Variants in CACNA1C observed in about 807,000 individuals in gnomAD.
The protein encoded by CACNA1C is calcium voltage-gated channel subunit alpha1 C.
CACNA1C carries 30 observed loss-of-function variants against 229.0 expected under a neutral mutation model. The observed-to-expected ratio is 0.13, with a 90% CI of 0.10 to 0.18. The LOEUF (loss-of-function observed/expected upper bound fraction) is 0.18, where lower values mean the gene tolerates loss of function less well. CACNA1C is among the 10% of genes least tolerant of loss of function. The pLI is 1.00. For missense variants in CACNA1C, 1,658 were observed against 2,845.0 expected, an observed-to-expected ratio of 0.58 and a Z score of 9.49; for synonymous variants, 1,114 against 1,132.5, an observed-to-expected ratio of 0.98 and a Z score of 0.33.
At chr12:2,388,353 G>A (rs566132719) in intron 3 of CACNA1C, among the ~76,000 whole-genome samples, 15 of 152,228 alleles carry the variant, frequency 9.9e-5, no homozygotes, top group African/African-American at 3.6e-4. Flanking sequence ...TGAGGTGATG[G>A]ATTAGTTGAT....
intron 42 of CACNA1C, among the ~76,000 whole-genome samples, chr12:2,681,798 T>C (rs2097159335): frequency 6.6e-6 from 1 of 152,162 alleles, no homozygotes; most frequent in African/African-American, 2.4e-5. Flanking sequence ...CCAGGATCTT[T>C]CTCTGATGCC....
intron 5 of CACNA1C, among the ~76,000 whole-genome samples, chr12:2,483,461 G>A (rs1050895218): frequency 1.3e-5 from 2 of 152,222 alleles, no homozygotes; most frequent in Non-Finnish European, 2.9e-5. Flanking sequence ...GGATGGAAAA[G>A]CTAACAGTGG....
intron 1 of CACNA1C, chr12:1,998,006 T>C (rs1193449911): frequency 6.3e-7 from 1 of 1,585,672 alleles, no homozygotes; most frequent in Non-Finnish European, 8.6e-7. Context: ...ACACAAGACA[T>C]GTATGTTCTC....
At chr12:2,521,667 T>C (rs1287148776) in intron 9 of CACNA1C, among the ~76,000 whole-genome samples, 1 of 152,222 alleles carries the variant, frequency 6.6e-6, no homozygotes, top group Non-Finnish European at 1.5e-5. Context: ...CAGTTATCAG[T>C]GCCTGCGTTC....
At chr12:2,302,552 G>A (rs1411238190) in intron 3 of CACNA1C, among the ~76,000 whole-genome samples, 1 of 152,004 alleles carries the variant, frequency 6.6e-6, no homozygotes, top group African/African-American at 2.4e-5. Context: ...TTGCTGGGAG[G>A]GGAGTGTCCT....
At chr12:2,572,465 T>TTTC (rs2055774497) in intron 13 of CACNA1C, among the ~76,000 whole-genome samples, 1 of 40,572 alleles carries the variant, frequency 2.5e-5, no homozygotes, top group Non-Finnish European at 4.8e-5. Flanking sequence ...CTCCTCCTCC[T>TTTC]CTTCCTCCTT....
chr12:2,500,276 A>AGGT (rs2099756382), intron 7 of CACNA1C, among the ~76,000 whole-genome samples: 1 of 152,022 alleles, frequency 6.6e-6, no homozygotes, highest in African/African-American at 2.4e-5. Flanking sequence ...TGGGGCCATG[A>AGGT]CCTTGAGGTC....
chr12:2,237,508 G>T (rs1350824041), intron 3 of CACNA1C, among the ~76,000 whole-genome samples: 13 of 152,200 alleles, frequency 8.5e-5, no homozygotes, highest in Non-Finnish European at 1.6e-4. Flanking sequence ...CAGTAGCCTG[G>T]CCACGTGATG....
intron 3 of CACNA1C, among the ~76,000 whole-genome samples, chr12:2,358,250 CCTGT>C (rs1386338203): frequency 3.3e-5 from 4 of 120,226 alleles, no homozygotes; most frequent in African/African-American, 6.5e-5. Flanking sequence ...GCGGCGTCCT[CCTGT>C]GTGTGTGTGT....
At chr12:2,172,213 A>G (rs2096513057) in intron 3 of CACNA1C, among the ~76,000 whole-genome samples, 1 of 152,180 alleles carries the variant, frequency 6.6e-6, no homozygotes, top group Non-Finnish European at 1.5e-5. Flanking sequence ...GCAGGGAAGT[A>G]AAGCTCATTA....
chr12:2,551,698 G>T (rs1295855550), intron 10 of CACNA1C, among the ~76,000 whole-genome samples: 1 of 152,164 alleles, frequency 6.6e-6, no homozygotes, highest in East Asian at 1.9e-4. Context: ...ATTAGGTCAC[G>T]ATGAGGACTG....
At chr12:2,257,160 GCGGCCAAGAT>G (rs908532408) in intron 3 of CACNA1C, among the ~76,000 whole-genome samples, 1 of 152,136 alleles carries the variant, frequency 6.6e-6, no homozygotes, top group African/African-American at 2.4e-5. Flanking sequence ...GTTTGTAATG[GCGGCCAAGAT>G]CGTCCAGGCC....
At chr12:2,652,084 G>A (rs1235432970) in intron 32 of CACNA1C, among the ~76,000 whole-genome samples, 1 of 152,154 alleles carries the variant, frequency 6.6e-6, no homozygotes, top group Non-Finnish European at 1.5e-5. Flanking sequence ...TGGACAAAGG[G>A]GTTTTGTGGT....
At chr12:2,621,183 C>T (rs530683454) in intron 29 of CACNA1C, among the ~76,000 whole-genome samples, 31 of 152,228 alleles carry the variant, frequency 2.0e-4, no homozygotes, top group African/African-American at 7.2e-4. Context: ...ATAGGGCTCA[C>T]AGAGTAGTGC....
intron 3 of CACNA1C, among the ~76,000 whole-genome samples, chr12:2,294,631 G>C (rs1319115456): frequency 6.6e-6 from 1 of 152,070 alleles, no homozygotes; most frequent in East Asian, 1.9e-4. Context: ...GCAAGGGAGC[G>C]TGGCCTCAGG....
At chr12:2,471,683 A>AT (rs200803798) in intron 5 of CACNA1C, among the ~76,000 whole-genome samples, 11,217 of 147,714 alleles carry the variant, frequency 0.076, 481 homozygotes, top group Middle Eastern at 0.21. Context: ...GAAGTCATTG[A>AT]TTTTTTTTTT....
chr12:2,512,114 G>A lies in CACNA1C; in HGVS notation c.1218-698G>A, dbSNP rs377143473. Among the ~76,000 whole-genome samples the A allele has an allele frequency of 3.9e-5, 6 of 152,126 alleles. No individual in the cohort carries two copies. In the East Asian group the frequency reaches 7.7e-4, roughly 20 times the overall value. ...GCTCGTCATAAGAATAGAGATTGAG[G>A]ACATTAAATCTCCTGGGTCCCAAAT... On this transcript the variant is annotated intron_variant, in intron 8 of 46. Transcript: ENST00000399655. The surrounding 1 kb of genome is among the most constrained non-coding windows in gnomAD (Gnocchi z 4.3).
rs1555115765 is a variant in CACNA1C at position 2,071,172 on chromosome 12, C to CCCTTCCTTCCTT, written c.49+17564_49+17565insTCCTTCCTTCCT. The stretch of plus-strand genomic sequence containing the variant: ...TCCCTCCCTCCCTCCCTCCCTCCCT[C>CCCTTCCTTCCTT]CCTGCCTGCCTGCCTGCCTGCCTGC... On this transcript the variant is annotated intron_variant, in intron 1 of 46. Transcript: ENST00000399655. Among the ~76,000 whole-genome samples, 24 of 16,040 alleles carry CCCTTCCTTCCTT rather than the reference C, an allele frequency of 1.5e-3. 5 individuals are homozygous for CCCTTCCTTCCTT. The highest frequency in any genetic ancestry group is 7.8e-3 in the African/African-American group (20 of 2,578). 10.5% of individuals were successfully genotyped at this position (16,040 alleles called of 152,430 possible).
At chr12:2,402,809 A>ACCG (rs1417208323) in intron 3 of CACNA1C, among the ~76,000 whole-genome samples, 1 of 152,174 alleles carries the variant, frequency 6.6e-6, no homozygotes, top group Non-Finnish European at 1.5e-5. Flanking sequence ...CTGCTGTGCC[A>ACCG]CCGCCACCAC....
Sources: gnomAD v4.1 joint callset for allele counts (sites outside exome capture counted in the v4.1 genomes callset) on GRCh38, gnomAD v4.1.1 for gene constraint, Gnocchi (gnomAD v3.1) non-coding constraint, MANE v1.5 for transcripts, NCBI Gene and HGNC (gene_info 2026-07-23, HGNC 2026-07-21) for gene names.